The following RSPRY1 variants were observed in gnomAD, a reference collection of about 807,000 sequenced individuals.
The protein encoded by RSPRY1 is RING finger and SPRY domain-containing protein 1.
RSPRY1 carries 23 observed loss-of-function variants against 73.1 expected under a neutral mutation model. The observed-to-expected ratio is 0.31, with a 90% CI of 0.23 to 0.45. RSPRY1 has a LOEUF of 0.45. RSPRY1 is among the 20% of genes least tolerant of loss of function. The probability of loss-of-function intolerance (pLI) is 1.00; values close to 1 mark genes in which losing one functional copy is unlikely to be tolerated. For synonymous variants in RSPRY1, 226 were observed against 251.4 expected (o/e 0.90, Z 0.95); for missense variants, 448 against 698.7 (o/e 0.64, Z 4.05).
At position 57,231,288 on chromosome 16, in the gene RSPRY1, C is replaced by T; in HGVS notation, c.1498C>T (p.Leu500=). The change falls in exon 13 of 15, where the codon CTA becomes TTA. Residue 500 remains leucine, a synonymous_variant. Transcript: ENST00000394420. ...KFSTFNDYAF[L]TAEEKIILPR... is the part of the protein sequence containing the mutation. ...TAGCACTTTTAATGACTACGCCTTC[C>T]TAACAGCTGAAGAAAAAATCATTTT... 2 of 1,613,282 alleles carry T rather than the reference C, an allele frequency of 1.2e-6. No homozygotes were observed. Among genetic ancestry groups the T allele is most frequent in the Non-Finnish European group, 1.7e-6 (2 of 1,179,726 alleles).
At chr16:57,237,151 C>G (rs1452220208) in intron 14 of RSPRY1, among the ~76,000 whole-genome samples, 1 of 152,094 alleles carries the variant, frequency 6.6e-6, no homozygotes, top group Non-Finnish European at 1.5e-5. Flanking sequence ...CAGGCAAAGG[C>G]AGGTTTTTTT....
chr16:57,197,866 G>A (rs1234765824), intron 1 of RSPRY1, among the ~76,000 whole-genome samples: 1 of 150,564 alleles, frequency 6.6e-6, no homozygotes, highest in East Asian at 2.0e-4. Flanking sequence ...TGGGACCACA[G>A]GTGTGCACTA....
At chr16:57,199,221 G>A (rs188111989) in intron 1 of RSPRY1, among the ~76,000 whole-genome samples, 101 of 152,306 alleles carry the variant, frequency 6.6e-4, no homozygotes, top group South Asian at 1.2e-3. Context: ...GCGGCTGGGC[G>A]CGGCGGTTGA....
chr16:57,235,142 G>C lies in RSPRY1; in HGVS notation c.1548G>C (p.Leu516=), dbSNP rs115476500. Residue 516 remains leucine (L), a synonymous_variant, in exon 14 of 15, where the codon CTG becomes CTC. Transcript: ENST00000394420. ...IILPRHRRLA[L]LKQVSIRENC... ...TACTCAGGCACAGGCGTCTTGCTCT[G>C]TTGAAGCAAGTCAGTATCCGAGAAA... is the stretch of plus-strand genomic sequence containing the variant. The C allele has an allele frequency of 7.3e-4, 1,175 of 1,614,038 alleles. 3 individuals carry two copies. The African/African-American group carries it at 0.014, about 19-fold the overall frequency.
At chr16:57,229,199 A>ATAGAATTTCAAAGAATTTCAAAAGC (rs2075167982) in intron 11 of RSPRY1, among the ~76,000 whole-genome samples, 1 of 152,196 alleles carries the variant, frequency 6.6e-6, no homozygotes, top group Admixed American at 6.5e-5. Flanking sequence ...CTTTTGCTGT[A>ATAGAATTTCAAAGAATTTCAAAAGC]TATTGCCAGA....
Position 57,220,712 on chromosome 16 carries a change from G to T in RSPRY1, c.902-20G>T. 6.6e-7 allele frequency: 1 copy of T among 1,520,436 alleles called. No individual in the cohort carries two copies. Among genetic ancestry groups the T allele is most frequent in the South Asian group, 1.1e-5 (1 of 89,020 alleles). The allele number at this position is 1,520,436 out of a possible 1,614,324, so 94.2% of individuals were successfully genotyped here. A position where few individuals can be genotyped will look rare whatever the true frequency, so the allele number is the denominator to read the frequency against. On this transcript the variant is annotated intron_variant, in intron 8 of 14. Coordinates refer to ENST00000394420, the MANE Select transcript of RSPRY1 (RefSeq NM_133368.3). Reference sequence around the variant, plus strand: ...CCACAGCAGCCTGCCTTAGAAACATGAACACTCTTTCTTTTGCAGTTTTAA... The same window carrying T: ...CCACAGCAGCCTGCCTTAGAAACATTAACACTCTTTCTTTTGCAGTTTTAA...
At chr16:57,225,122 G>A (rs1470906187) in intron 10 of RSPRY1, among the ~76,000 whole-genome samples, 15 of 152,222 alleles carry the variant, frequency 9.9e-5, no homozygotes, top group African/African-American at 1.4e-4. Flanking sequence ...GCAGTGGCAC[G>A]TGATCTCTGC....
intron 4 of RSPRY1, among the ~76,000 whole-genome samples, chr16:57,210,267 A>G (rs1398623084): frequency 1.1e-4 from 17 of 151,240 alleles, no homozygotes; most frequent in Non-Finnish European, 1.5e-5. Context: ...TTTTGTAGAT[A>G]AAGGGTCTCA....
chr16:57,202,448 C>T (rs978288730), intron 1 of RSPRY1, among the ~76,000 whole-genome samples: 2 of 152,142 alleles, frequency 1.3e-5, no homozygotes, highest in Non-Finnish European at 2.9e-5. Context: ...AGAATTATTC[C>T]TATTTCTGAT....
rs1567497103 is a variant in RSPRY1 at position 57,208,389 on chromosome 16, TA to T, written c.403+280del. On this transcript the variant is annotated intron_variant, in intron 3 of 14. Transcript: ENST00000394420. ...AGAGGAGATTATTTATATATATATA[TA>T]TATATATATATTTTTTTTTTTTTTT... Among the ~76,000 whole-genome samples, 410 of 106,824 alleles carry T rather than the reference TA, an allele frequency of 3.8e-3. 6 individuals are homozygous for T. Among genetic ancestry groups the T allele is most frequent in the African/African-American group, 0.016 (397 of 24,204 alleles). The allele number at this position is 106,824 out of a possible 152,430, so 70.1% of individuals were successfully genotyped here. A position where few individuals can be genotyped will look rare whatever the true frequency, so the allele number is the denominator to read the frequency against.
rs758949007 is a variant in RSPRY1, at chr16:57,205,032, C to T, written c.350+24C>T. ...AAGTAAGTATCTGACTCACGGTCAC[C>T]TCCAGTGGAATGAAAAGTGTTCTGC... On this transcript the variant is annotated intron_variant, in intron 2 of 14. Transcript: ENST00000394420. 5.8e-5 allele frequency: 90 copies of T among 1,560,292 alleles called. 1 individual carries two copies. The South Asian group carries it at 9.8e-4, about 17-fold the overall frequency.
intron 14 of RSPRY1, among the ~76,000 whole-genome samples, chr16:57,237,707 T>TTTTA (rs532036443): frequency 4.0e-5 from 6 of 151,786 alleles, no homozygotes; most frequent in East Asian, 1.9e-4. Context: ...ATTTATTTAT[T>TTTTA]TTTATTTATT....
chr16:57,221,482 G>A (rs1370523342), intron 10 of RSPRY1, 67 bp downstream of exon 10: 2 of 1,481,084 alleles, frequency 1.4e-6, no homozygotes, highest in Non-Finnish European at 9.2e-7. Flanking sequence ...TAGTTGGTGG[G>A]TGGAAAATAC....
intron 1 of RSPRY1, among the ~76,000 whole-genome samples, chr16:57,194,173 A>G (rs2074398532): frequency 6.6e-6 from 1 of 152,346 alleles, no homozygotes; most frequent in South Asian, 2.1e-4. Context: ...TTTAAGAGAA[A>G]GTATACTGAT....
intron 13 of RSPRY1, among the ~76,000 whole-genome samples, chr16:57,234,897 T>G (rs1933305903): frequency 6.6e-6 from 1 of 152,234 alleles, no homozygotes; most frequent in Non-Finnish European, 1.5e-5. Context: ...ATACAAGTCA[T>G]TTCCTTGAAC....
chr16:57,210,046 C>CCTCT (rs1390813084), intron 4 of RSPRY1, among the ~76,000 whole-genome samples: 2 of 104,342 alleles, frequency 1.9e-5, no homozygotes, highest in African/African-American at 3.4e-5. Context: ...TCCCTCCCTC[C>CCTCT]CTTCCTCCCT....
At chr16:57,200,653 G>A (rs2146211373) in intron 1 of RSPRY1, among the ~76,000 whole-genome samples, 2 of 141,628 alleles carry the variant, frequency 1.4e-5, no homozygotes, top group Non-Finnish European at 3.1e-5. Flanking sequence ...CGGCTGGCCG[G>A]GCGGGGGGCT....
At chr16:57,231,397 A>G in intron 13 of RSPRY1, 78 bp downstream of exon 13, 1 of 1,378,272 alleles carries the variant, frequency 7.3e-7, no homozygotes, top group South Asian at 1.4e-5. Flanking sequence ...ATCAACGTTA[A>G]AAGAATATAA....
At chr16:57,206,784 C>T (rs1438471547) in intron 2 of RSPRY1, among the ~76,000 whole-genome samples, 1 of 152,174 alleles carries the variant, frequency 6.6e-6, no homozygotes, top group African/African-American at 2.4e-5. Context: ...AGGCTGGTCT[C>T]AAATACCTGG....
Sources: gnomAD v4.1 joint callset for allele counts (sites outside exome capture counted in the v4.1 genomes callset) on GRCh38, gnomAD v4.1.1 for gene constraint, MANE v1.5 for transcripts, NCBI Gene and HGNC (gene_info 2026-07-23, HGNC 2026-07-21) for gene names.